ASCC1: variants seen among roughly 807,000 people sequenced by gnomAD.
ASCC1 encodes ASC-1 complex subunit P50.
In ASCC1, 35 loss-of-function variants were observed where a neutral mutation model predicts 46.6. The ratio of observed to expected loss-of-function variants is 0.75; its 90% CI spans 0.57 to 0.99. ASCC1 has a LOEUF of 0.99. Ranked by LOEUF, ASCC1 falls within the 50% of genes least tolerant of loss-of-function variation. ASCC1 has a pLI of 0.00. For synonymous variants in ASCC1, 143 were observed against 146.6 expected, an observed-to-expected ratio of 0.98 and a Z score of 0.18; for missense variants, 376 against 428.7, an observed-to-expected ratio of 0.88 and a Z score of 1.09.
intron 5 of ASCC1, chr10:72,190,359 T>G (rs1854233407): frequency 7.1e-7 from 1 of 1,401,606 alleles, no homozygotes; most frequent in Non-Finnish European, 1.0e-6. Context: ...TTTGAGGTTA[T>G]CCTCATTGAT....
intron 9 of ASCC1, chr10:72,102,256 A>C: frequency 3.1e-6 from 4 of 1,311,360 alleles, no homozygotes; most frequent in Non-Finnish European, 4.3e-6. Flanking sequence ...ACAGTAACAG[A>C]ACATTTTTGA....
At chr10:72,187,099 A>G (rs756132009) in intron 5 of ASCC1, among the ~76,000 whole-genome samples, 1 of 152,132 alleles carries the variant, frequency 6.6e-6, no homozygotes, top group Non-Finnish European at 1.5e-5. Flanking sequence ...CCTACTCCCC[A>G]AAACAGTACT....
chr10:72,210,170 T>TTTTG (rs1331499678), intron 3 of ASCC1, among the ~76,000 whole-genome samples: 1 of 151,440 alleles, frequency 6.6e-6, no homozygotes, highest in African/African-American at 2.4e-5. Flanking sequence ...TTTTTTTTTT[T>TTTTG]TTTTTTAAGA....
intron 9 of ASCC1, among the ~76,000 whole-genome samples, chr10:72,123,248 A>T (rs1436014593): frequency 6.6e-6 from 1 of 151,564 alleles, no homozygotes; most frequent in African/African-American, 2.4e-5. Flanking sequence ...CTGAGGCAGG[A>T]GAATGGCATG....
chr10:72,109,904 C>G (rs748669986), intron 9 of ASCC1, among the ~76,000 whole-genome samples: 7 of 152,210 alleles, frequency 4.6e-5, no homozygotes, highest in Non-Finnish European at 1.0e-4. Context: ...ACACTCCGCC[C>G]GTTTCCACAT....
chr10:72,152,678 A>G (rs1243175861), intron 7 of ASCC1, among the ~76,000 whole-genome samples, 191 bp downstream of exon 7: 1 of 152,170 alleles, frequency 6.6e-6, no homozygotes, highest in African/African-American at 2.4e-5. Flanking sequence ...TCAGACTTAA[A>G]ATCTGATACT....
chr10:72,147,002 T>C (rs1263767639), intron 7 of ASCC1, among the ~76,000 whole-genome samples: 1 of 151,580 alleles, frequency 6.6e-6, no homozygotes, highest in Non-Finnish European at 1.5e-5. Context: ...ATTTGCACTG[T>C]CTTGCAAAAT....
At chr10:72,195,194 T>A (rs1490075487) in intron 5 of ASCC1, among the ~76,000 whole-genome samples, 1 of 134,836 alleles carries the variant, frequency 7.4e-6, no homozygotes. Context: ...TTGCCCAGGC[T>A]GGAGTGCAAT....
At chr10:72,106,451 A>G (rs986022063) in intron 9 of ASCC1, among the ~76,000 whole-genome samples, 1 of 152,228 alleles carries the variant, frequency 6.6e-6, no homozygotes, top group African/African-American at 2.4e-5. Flanking sequence ...TAGCAAATGC[A>G]TGCTACTTTG....
At chr10:72,155,379 A>G (rs1444332897) in intron 6 of ASCC1, among the ~76,000 whole-genome samples, 3 of 152,234 alleles carry the variant, frequency 2.0e-5, no homozygotes, top group Admixed American at 6.5e-5. Flanking sequence ...ATGTAATAGA[A>G]ATCAGAACAG....
In ASCC1 at chr10:72,096,871, G is replaced by A. The variant is rs1014001645; in HGVS notation, c.*463C>T. On this transcript the variant is annotated 3_prime_UTR_variant, in exon 10 of 10. Transcript: ENST00000672957. ...GATACTGAGAATAGTCAAAACCAGA[G>A]AGACAGAAAGCAGAATGGTGGCTGC... is the stretch of plus-strand genomic sequence containing the variant. The A allele has an allele frequency of 2.2e-6, 1 of 454,124 alleles. No homozygotes were observed. The highest frequency in any genetic ancestry group is 2.0e-5 in the African/African-American group (1 of 50,132). The allele number at this position is 454,124 out of a possible 1,614,324, so 28.1% of individuals were successfully genotyped here.
intron 8 of ASCC1, among the ~76,000 whole-genome samples, chr10:72,131,280 G>A (rs1435001490): frequency 2.6e-5 from 4 of 152,058 alleles, no homozygotes; most frequent in East Asian, 1.9e-4. Context: ...TTAGCTGAGC[G>A]CGGTGGCAGG....
intron 5 of ASCC1, among the ~76,000 whole-genome samples, chr10:72,187,719 C>CAA (rs761851091): frequency 0.027 from 883 of 33,174 alleles, 101 homozygotes; most frequent in African/African-American, 0.076. Flanking sequence ...GAATCCGTCT[C>CAA]AAAAAAAAAA....
At chr10:72,202,786 CTCTAAT>C (rs1166533901) in intron 4 of ASCC1, among the ~76,000 whole-genome samples, 1 of 152,100 alleles carries the variant, frequency 6.6e-6, no homozygotes, top group East Asian at 1.9e-4. Context: ...CATTGATTTT[CTCTAAT>C]TCTAATTGGA....
At position 72,096,297 on chromosome 10, in the gene ASCC1, T is replaced by G. The variant is rs1316340659; in HGVS notation, c.*1037A>C. The stretch of plus-strand genomic sequence containing the variant: ...CTGCTGGTCCGTGGTGAGGGAGGAG[T>G]GAGGGCCTCCTGTGGCTGACATTCT... On this transcript the variant is annotated 3_prime_UTR_variant, in exon 10 of 10. Coordinates refer to ENST00000672957, the MANE Select transcript of ASCC1 (RefSeq NM_001198800.3). 7 of 453,228 alleles carry G rather than the reference T, an allele frequency of 1.5e-5. No individual in the cohort carries two copies. Among genetic ancestry groups the G allele is most frequent in the Non-Finnish European group, 3.1e-5 (7 of 226,598 alleles). The allele number at this position is 453,228 out of a possible 1,614,324, so 28.1% of individuals were successfully genotyped here.
chr10:72,216,267 G>C lies in ASCC1; in HGVS notation c.-94C>G, dbSNP rs1859290478. On this transcript the variant is annotated 5_prime_UTR_variant, in exon 1 of 10. Transcript: ENST00000672957. ...GAAACAGGAGACTGCTGCAGCAGAC[G>C]TGCGATAGGAAATTTCCCCAGGCCG... 1 of 158,632 alleles carries C rather than the reference G, an allele frequency of 6.3e-6. No individual in the cohort carries two copies. The highest frequency in any genetic ancestry group is 1.4e-5 in the Non-Finnish European group (1 of 71,640). The allele number at this position is 158,632 out of a possible 1,614,324, so 9.8% of individuals were successfully genotyped here. A position where few individuals can be genotyped will look rare whatever the true frequency, so the allele number is the denominator to read the frequency against.
intron 8 of ASCC1, among the ~76,000 whole-genome samples, chr10:72,131,652 T>C (rs1252366989): frequency 1.3e-5 from 2 of 152,192 alleles, no homozygotes; most frequent in African/African-American, 4.8e-5. Flanking sequence ...AGTAGTATTT[T>C]AGAACTAATA....
chr10:72,103,551 T>C (rs2131921941), intron 9 of ASCC1, among the ~76,000 whole-genome samples: 1 of 152,264 alleles, frequency 6.6e-6, no homozygotes, highest in South Asian at 2.1e-4. Flanking sequence ...ATGTGGCACC[T>C]TGGCATTTGA....
At chr10:72,194,420 A>T (rs79204691) in intron 5 of ASCC1, among the ~76,000 whole-genome samples, 5,172 of 151,740 alleles carry the variant, frequency 0.034, 301 homozygotes, top group African/African-American at 0.12. Flanking sequence ...AAAGTGGGAA[A>T]GGAAACCTAA....
Sources: allele counts gnomAD v4.1 joint callset (sites outside exome capture counted in the v4.1 genomes callset), GRCh38; gene constraint gnomAD v4.1.1; transcripts MANE v1.5; gene names NCBI Gene and HGNC (gene_info 2026-07-23, HGNC 2026-07-21).